HIGD1C: variants seen among roughly 807,000 people sequenced by gnomAD.
HIGD1C encodes the protein HIG1 hypoxia inducible domain family member 1C, also known as HIG1 domain family member 1C.
In HIGD1C, 11 loss-of-function variants were observed where a neutral mutation model predicts 13.1. That is an observed-to-expected ratio of 0.84 (90% CI 0.53 to 1.39). HIGD1C has a LOEUF of 1.39. Among genes scored for constraint, HIGD1C ranks in the 40% most tolerant of loss-of-function variants. HIGD1C has a pLI of 0.00. For missense variants in HIGD1C, 110 were observed against 112.0 expected (o/e 0.98, Z 0.08); for synonymous variants, 36 against 37.7 (o/e 0.95, Z 0.17).
the HIGD1C span, chr12:50,939,811 C>T: frequency 6.6e-6 from 1 of 152,192 alleles, no homozygotes; most frequent in Non-Finnish European, 1.5e-5. Context: ...TGGTCAAGGC[C>T]TGCTTCCTTA....
At chr12:50,950,105 G>C (rs150950350), upstream of HIGD1C, among the ~76,000 whole-genome samples, 1 of 152,094 alleles carries the variant, frequency 6.6e-6, no homozygotes, top group Non-Finnish European at 1.5e-5. Context: ...GACACCTCAC[G>C]GGTGACAGGA....
chr12:50,952,626 C>T (rs1031104273), upstream of HIGD1C, among the ~76,000 whole-genome samples: 2 of 152,196 alleles, frequency 1.3e-5, no homozygotes, highest in African/African-American at 4.8e-5. Flanking sequence ...AGGGACTAGC[C>T]ACAGGTGCAG....
At chr12:50,963,369 C>CAAAAA (rs35764288) in intron 2 of HIGD1C, among the ~76,000 whole-genome samples, 729 of 71,152 alleles carry the variant, frequency 0.01, no homozygotes, top group Non-Finnish European at 0.014. Flanking sequence ...GACTCCATCT[C>CAAAAA]AAAAAAAAAA....
upstream of HIGD1C, among the ~76,000 whole-genome samples, chr12:50,951,817 G>A (rs1938904424): frequency 6.6e-6 from 1 of 151,542 alleles, no homozygotes; most frequent in Non-Finnish European, 1.5e-5. Context: ...AGCTACTCGG[G>A]AGGCTGAGGC....
At chr12:50,941,739 C>A in the HIGD1C span, among the ~76,000 whole-genome samples, 2 of 152,216 alleles carry the variant, frequency 1.3e-5, no homozygotes, top group Non-Finnish European at 1.5e-5. Flanking sequence ...TCCCACTAAA[C>A]CTGATCCTTA....
upstream of HIGD1C, among the ~76,000 whole-genome samples, chr12:50,952,344 T>C (rs1938926804): frequency 6.6e-6 from 1 of 152,210 alleles, no homozygotes; most frequent in South Asian, 2.1e-4. Context: ...TTCTTTGTAC[T>C]ATTCTGGGGA....
At chr12:50,942,352 T>C in the HIGD1C span, among the ~76,000 whole-genome samples, 1 of 152,154 alleles carries the variant, frequency 6.6e-6, no homozygotes. Context: ...TCTCCCCCTC[T>C]CACTTACTGC....
chr12:50,967,907 C>T (rs538127309), intron 2 of HIGD1C, among the ~76,000 whole-genome samples: 13 of 152,142 alleles, frequency 8.5e-5, no homozygotes, highest in Admixed American at 7.2e-4. Context: ...GGCAACATGG[C>T]GAATACCCTA....
At chr12:50,931,947 A>T in the HIGD1C span, 2 of 152,298 alleles carry the variant, frequency 1.3e-5, no homozygotes, top group Non-Finnish European at 2.9e-5. Context: ...GAATTAACAT[A>T]CAAGGTTGCC....
At chr12:50,966,885 G>A (rs767205919) in intron 2 of HIGD1C, among the ~76,000 whole-genome samples, 1 of 152,170 alleles carries the variant, frequency 6.6e-6, no homozygotes. Flanking sequence ...GGAGGCCAAG[G>A]TGGGTAGATC....
At chr12:50,939,241 A>C in the HIGD1C span, among the ~76,000 whole-genome samples, 1 of 152,140 alleles carries the variant, frequency 6.6e-6, no homozygotes. Flanking sequence ...TCTACCTCCC[A>C]AGTTGAAGCA....
chr12:50,956,826 T>C (rs1939112385), intron 1 of HIGD1C, among the ~76,000 whole-genome samples: 1 of 152,206 alleles, frequency 6.6e-6, no homozygotes, highest in African/African-American at 2.4e-5. Flanking sequence ...GGTTATTTCC[T>C]TGGAGTATGT....
At chr12:50,939,563 C>G in the HIGD1C span, among the ~76,000 whole-genome samples, 2 of 152,116 alleles carry the variant, frequency 1.3e-5, no homozygotes, top group Non-Finnish European at 2.9e-5. Context: ...AGTGCTGCCT[C>G]GACACTTTTA....
rs35884257 is a variant in HIGD1C, at chr12:50,957,216, CT to C, written c.94+3135del. Among the ~76,000 whole-genome samples, 71 of 145,746 alleles carry C rather than the reference CT, an allele frequency of 4.9e-4. 1 individual carries two copies. Among genetic ancestry groups the C allele is most frequent in the Admixed American group, 8.3e-4 (12 of 14,528 alleles). On this transcript the variant is annotated intron_variant, in intron 1 of 2. Coordinates refer to ENST00000398455, the Ensembl canonical transcript of HIGD1C. ...ACATAAAAATTACTTGCTTTTTTTT[CT>C]TTTTTTTTTTAAAGACAGAGTTTCC...
chr12:50,959,986 G>T (rs1939263959), intron 1 of HIGD1C, among the ~76,000 whole-genome samples: 1 of 152,104 alleles, frequency 6.6e-6, no homozygotes, highest in African/African-American at 2.4e-5. Flanking sequence ...TTTTGTCATG[G>T]ATTAAGTTCT....
the HIGD1C span, among the ~76,000 whole-genome samples, chr12:50,943,776 C>A: frequency 1.3e-5 from 2 of 152,054 alleles, no homozygotes; most frequent in Admixed American, 6.5e-5. Context: ...TGCTTCTATC[C>A]TCTCACCTTT....
intron 2 of HIGD1C, among the ~76,000 whole-genome samples, chr12:50,968,112 A>G (rs545765550): frequency 6.6e-6 from 1 of 151,994 alleles, no homozygotes; most frequent in Admixed American, 6.6e-5. Context: ...AAGGAGGAGG[A>G]GGAGGAGGAG....
the HIGD1C span, among the ~76,000 whole-genome samples, chr12:50,947,986 T>C: frequency 6.6e-6 from 1 of 152,166 alleles, no homozygotes; most frequent in East Asian, 1.9e-4. Context: ...CAGTGTGAAA[T>C]GGCAGAATAG....
At chr12:50,933,240 C>T in the HIGD1C span, among the ~76,000 whole-genome samples, 1 of 152,162 alleles carries the variant, frequency 6.6e-6, no homozygotes, top group Non-Finnish European at 1.5e-5. Context: ...GCCATAACAC[C>T]TTCTTTTACT....
Sources: allele counts gnomAD v4.1 joint callset (sites outside exome capture counted in the v4.1 genomes callset), GRCh38; gene constraint gnomAD v4.1.1; transcripts MANE v1.5; gene names NCBI Gene and HGNC (gene_info 2026-07-23, HGNC 2026-07-21).